The following SPTLC2 variants were observed in gnomAD, a reference collection of about 807,000 sequenced individuals.
SPTLC2 encodes serine palmitoyltransferase long chain base subunit 2, also known as serine palmitoyltransferase 2.
SPTLC2 carries 21 observed loss-of-function variants against 62.0 expected under a neutral mutation model. The observed-to-expected ratio is 0.34, with a 90% CI of 0.24 to 0.49. The LOEUF is 0.49. SPTLC2 is among the 20% of genes least tolerant of loss of function. The pLI is 0.99. For synonymous variants in SPTLC2, 261 were observed against 261.8 expected, an observed-to-expected ratio of 1.00 and a Z score of 0.03; for missense variants, 511 against 713.0, an observed-to-expected ratio of 0.72 and a Z score of 3.23.
At chr14:77,548,250 C>G (rs1594982918) in intron 9 of SPTLC2, among the ~76,000 whole-genome samples, 1 of 152,138 alleles carries the variant, frequency 6.6e-6, no homozygotes, top group South Asian at 2.1e-4. Flanking sequence ...ACTTGAAGAA[C>G]CCACTGATTT....
chr14:77,579,145 G>C (rs2079733722), intron 2 of SPTLC2, 36 bp from the exon 3 acceptor site: 1 of 1,610,060 alleles, frequency 6.2e-7, no homozygotes, highest in Admixed American at 1.7e-5. Flanking sequence ...AAATTTAACT[G>C]AGTTACTTTA....
intron 9 of SPTLC2, among the ~76,000 whole-genome samples, chr14:77,528,032 C>A (rs55732483): frequency 0.16 from 24,250 of 152,134 alleles, 2,133 homozygotes; most frequent in Middle Eastern, 0.23. Flanking sequence ...GGATGTTCAG[C>A]CAGAGTTGAT....
At chr14:77,531,443 T>TCTTCTTCTTCTCCTC (rs1478198521) in intron 9 of SPTLC2, among the ~76,000 whole-genome samples, 2 of 130,354 alleles carry the variant, frequency 1.5e-5, no homozygotes, top group African/African-American at 3.0e-5. Context: ...TTCTTCTTCT[T>TCTTCTTCTTCTCCTC]CTCCTCCTTC....
At chr14:77,543,713 ATGCTTAGTTCTGTTTTCC>A (rs2079513947) in intron 9 of SPTLC2, among the ~76,000 whole-genome samples, 2 of 152,282 alleles carry the variant, frequency 1.3e-5, no homozygotes, top group African/African-American at 4.8e-5. Context: ...AGATCTCTGA[ATGCTTAGTTCTGTTTTCC>A]TGCTGCACCT....
intron 3 of SPTLC2, 101 bp downstream of exon 3, chr14:77,578,854 A>T: frequency 8.0e-7 from 1 of 1,254,768 alleles, no homozygotes; most frequent in Non-Finnish European, 1.2e-6. Flanking sequence ...CTCAGCTGCT[A>T]CTCCTATTTT....
chr14:77,590,725 T>TAAATAA (rs1175141931), intron 2 of SPTLC2, among the ~76,000 whole-genome samples: 2 of 151,446 alleles, frequency 1.3e-5, no homozygotes, highest in Admixed American at 1.3e-4. Flanking sequence ...AAAATAAAAA[T>TAAATAA]AAATAAAAAT....
chr14:77,541,279 A>G (rs1042650782), intron 9 of SPTLC2, among the ~76,000 whole-genome samples: 2 of 152,090 alleles, frequency 1.3e-5, no homozygotes, highest in Non-Finnish European at 2.9e-5. Flanking sequence ...GGCTCAAGTG[A>G]TCCACCCGTC....
chr14:77,530,600 T>C (rs1377872958), intron 9 of SPTLC2, among the ~76,000 whole-genome samples: 1 of 152,178 alleles, frequency 6.6e-6, no homozygotes, highest in Non-Finnish European at 1.5e-5. Flanking sequence ...GATCTTTCAA[T>C]ACACCATATA....
chr14:77,578,894 T>C, intron 3 of SPTLC2, 61 bp downstream of exon 3: 4 of 1,571,474 alleles, frequency 2.5e-6, no homozygotes, highest in Non-Finnish European at 3.5e-6. Context: ...AATAACATAT[T>C]TTCTCAAATG....
chr14:77,546,973 G>A (rs967867165), intron 9 of SPTLC2, among the ~76,000 whole-genome samples: 12 of 151,140 alleles, frequency 7.9e-5, no homozygotes, highest in Admixed American at 7.2e-4. Flanking sequence ...CAGGTGATCC[G>A]CCTGCCTTGG....
intron 2 of SPTLC2, among the ~76,000 whole-genome samples, chr14:77,595,538 T>C (rs938549399): frequency 6.6e-6 from 1 of 152,192 alleles, no homozygotes; most frequent in African/African-American, 2.4e-5. Context: ...GGCCAACTTG[T>C]GCTGGGGCTC....
chr14:77,540,449 TTTTA>T (rs1286786183), intron 9 of SPTLC2, among the ~76,000 whole-genome samples: 5 of 152,192 alleles, frequency 3.3e-5, no homozygotes, highest in African/African-American at 1.2e-4. Context: ...TTGAAATGCA[TTTTA>T]TTTATTTTTA....
rs1268603180 is a variant in SPTLC2 at position 77,510,837 on chromosome 14, ATG to A, written c.*1445_*1446del. On this transcript the variant is annotated 3_prime_UTR_variant, in exon 12 of 12. Coordinates refer to ENST00000216484, the MANE Select transcript of SPTLC2 (RefSeq NM_004863.4). ...CCCAATCCTTCTCCTGTAATACTTG[ATG>A]GATACAAAAAGACAAACTGATCCTG... 6.6e-6 allele frequency: 1 copy of A among 152,590 alleles called. No individual in the cohort carries two copies. Among genetic ancestry groups the A allele is most frequent in the African/African-American group, 2.4e-5 (1 of 41,418 alleles). 9.5% of individuals were successfully genotyped at this position (152,590 alleles called of 1,614,324 possible).
intron 8 of SPTLC2, among the ~76,000 whole-genome samples, chr14:77,553,403 T>G (rs1218629237): frequency 6.6e-6 from 1 of 152,124 alleles, no homozygotes; most frequent in Non-Finnish European, 1.5e-5. Context: ...GTGAGCCTGG[T>G]CCCATTAACA....
chr14:77,559,793 A>C (rs2079605094), intron 6 of SPTLC2, among the ~76,000 whole-genome samples: 2 of 152,138 alleles, frequency 1.3e-5, no homozygotes, highest in South Asian at 4.1e-4. Flanking sequence ...CAGGAGACTG[A>C]GGCAGGAGAA....
rs2079589332 is a variant in SPTLC2, at chr14:77,557,225, C to G, written c.851-79G>C. ...ATTCCGGAAATGCAGAGATATATTTCTCATTCAGAAACCATGCCTCAGATA... is the reference window on the plus strand; with the variant it reads ...ATTCCGGAAATGCAGAGATATATTTGTCATTCAGAAACCATGCCTCAGATA... On this transcript the variant is annotated intron_variant, in intron 6 of 11. Coordinates refer to ENST00000216484, the MANE Select transcript of SPTLC2 (RefSeq NM_004863.4). 3.1e-6 allele frequency: 4 copies of G among 1,299,120 alleles called. No homozygotes were observed. In the East Asian group the frequency reaches 7.1e-5, roughly 23 times the overall value. The allele number at this position is 1,299,120 out of a possible 1,614,324, so 80.5% of individuals were successfully genotyped here.
chr14:77,569,954 T>C (rs1295559681), intron 5 of SPTLC2, among the ~76,000 whole-genome samples: 1 of 147,506 alleles, frequency 6.8e-6, no homozygotes, highest in Non-Finnish European at 1.5e-5. Context: ...TGTGAGCCAC[T>C]GCGCCTGGCC....
chr14:77,609,637 G>A lies in SPTLC2; in HGVS notation c.132+6811C>T, dbSNP rs113810613. Among the ~76,000 whole-genome samples, 150 of 152,206 alleles carry A rather than the reference G, an allele frequency of 9.9e-4. 2 individuals are homozygous for A. Among genetic ancestry groups the A allele is most frequent in the African/African-American group, 3.5e-3 (145 of 41,544 alleles). On this transcript the variant is annotated intron_variant, in intron 1 of 11. Transcript: ENST00000216484. ...CTGTAGTCCCAGCTACTCGGAAGGC[G>A]GAGGCAGGAGAACTGCTTGAACCAG...
Position 77,576,920 on chromosome 14 carries a change from G to A in SPTLC2, c.483-5C>T. 1.2e-6 allele frequency: 2 copies of A among 1,613,786 alleles called. No individual in the cohort carries two copies. The highest frequency in any genetic ancestry group is 1.7e-5 in the Admixed American group (1 of 59,962). ...TTTATTATATTCCCTGTATACCTGT[G>A]CATCAATAGCATAAAACAATGAAAC... On this transcript the variant is annotated splice_region_variant and splice_polypyrimidine_tract_variant and intron_variant, in intron 3 of 11. Coordinates refer to ENST00000216484, the MANE Select transcript of SPTLC2 (RefSeq NM_004863.4).
Sources: allele counts gnomAD v4.1 joint callset (sites outside exome capture counted in the v4.1 genomes callset), GRCh38; gene constraint gnomAD v4.1.1; transcripts MANE v1.5; gene names NCBI Gene and HGNC (gene_info 2026-07-23, HGNC 2026-07-21).